The following DNAJC13 variants were observed in gnomAD, a reference collection of about 807,000 sequenced individuals.
DNAJC13 encodes dnaJ homolog subfamily C member 13.
Under a neutral mutation model 290.5 loss-of-function variants are expected in DNAJC13, and 75 were observed. That is an observed-to-expected ratio of 0.26 (90% CI 0.21 to 0.31). The LOEUF is 0.31. Among genes scored for constraint, DNAJC13 ranks in the 10% least tolerant of loss-of-function variants. The pLI is 1.00. For missense variants in DNAJC13, 2,260 were observed against 2,674.5 expected (o/e 0.85, Z 3.42); for synonymous variants, 862 against 892.0 (o/e 0.97, Z 0.60).
intron 20 of DNAJC13, among the ~76,000 whole-genome samples, chr3:132,470,620 A>C (rs1228638132): frequency 5.0e-5 from 5 of 99,942 alleles, no homozygotes; most frequent in African/African-American, 8.5e-5. Flanking sequence ...GGGGGGGCTG[A>C]CCCCCCCACC....
At chr3:132,502,508 AC>A (rs1189916788) in intron 40 of DNAJC13, 40 bp downstream of exon 40, 2 of 1,530,406 alleles carry the variant, frequency 1.3e-6, no homozygotes, top group South Asian at 2.6e-5. Flanking sequence ...TTGAACCCAA[AC>A]CTTAGGTTGG....
intron 55 of DNAJC13, among the ~76,000 whole-genome samples, chr3:132,534,972 G>A (rs112515514): frequency 0.017 from 2,626 of 152,302 alleles, 23 homozygotes; most frequent in South Asian, 0.05. Context: ...GTGTTGTGTT[G>A]AATTGGAATT....
rs759818648 is a variant in DNAJC13, at chr3:132,528,214, A to G, written c.6407A>G (p.Tyr2136Cys). The G allele has an allele frequency of 6.2e-7, 1 of 1,614,064 alleles. No homozygotes were observed. Among genetic ancestry groups the G allele is most frequent in the South Asian group, 1.1e-5 (1 of 91,078 alleles). The part of the protein sequence containing the change: ...AQALKADLVP[Y>C]LLKLLEGIGL... ...GCCCTGAAAGCAGATTTGGTTCCATACCTCTTAAAATTACTCGAAGGCATT... is the reference window on the plus strand; with the variant it reads ...GCCCTGAAAGCAGATTTGGTTCCATGCCTCTTAAAATTACTCGAAGGCATT... Residue 2136 changes from tyrosine (Y) to cysteine (C), a missense_variant, in exon 54 of 56, where the codon TAC becomes TGC. By Grantham distance (194) the Tyr-to-Cys change is radical. Transcript: ENST00000260818.
chr3:132,517,239 AG>A (rs1935947022), intron 48 of DNAJC13, among the ~76,000 whole-genome samples: 1 of 152,204 alleles, frequency 6.6e-6, no homozygotes, highest in Non-Finnish European at 1.5e-5. Context: ...GAATTCATAT[AG>A]GGGCATGAGT....
chr3:132,475,602 CT>C (rs1934446001), intron 22 of DNAJC13, among the ~76,000 whole-genome samples: 1 of 152,148 alleles, frequency 6.6e-6, no homozygotes, highest in Admixed American at 6.5e-5. Context: ...ACAATTTAAA[CT>C]ATTATAGCTT....
At position 132,503,272 on chromosome 3, in the gene DNAJC13, A is replaced by C. The variant is rs1437045487; in HGVS notation, c.4775A>C (p.Tyr1592Ser). ...CATGCTCTGAGTCGCCTTGGAGGGTATTTGGCTGAAGAACAAGCAACTCCA... is the reference window on the plus strand; with the variant it reads ...CATGCTCTGAGTCGCCTTGGAGGGTCTTTGGCTGAAGAACAAGCAACTCCA... ...SVHALSRLGG[Y>S]LAEEQATPEN... Residue 1592 changes from tyrosine (Y) to serine (S), a missense_variant, in exon 41 of 56, where the codon TAT becomes TCT. This residue lies in a region of DNAJC13 where 1,494 missense variants were observed against 1,693.7 expected (regional missense o/e 0.88). Coordinates refer to ENST00000260818, the MANE Select transcript of DNAJC13 (RefSeq NM_015268.4). The C allele has an allele frequency of 1.2e-6, 2 of 1,614,082 alleles. No homozygotes were observed. The highest frequency in any genetic ancestry group is 1.7e-6 in the Non-Finnish European group (2 of 1,179,976).
chr3:132,524,239 G>A (rs1201107375), intron 51 of DNAJC13, among the ~76,000 whole-genome samples: 2 of 152,232 alleles, frequency 1.3e-5, no homozygotes, highest in Non-Finnish European at 1.5e-5. Flanking sequence ...GCCAAATACC[G>A]TGATAGTATA....
chr3:132,523,266 C>A, intron 50 of DNAJC13, 67 bp downstream of exon 50: 1 of 1,535,208 alleles, frequency 6.5e-7, no homozygotes, highest in Non-Finnish European at 9.0e-7. Flanking sequence ...TCTACTGAGT[C>A]AGTTTAATGC....
At position 132,505,370 on chromosome 3, in the gene DNAJC13, A is replaced by T; in HGVS notation, c.4953A>T (p.Glu1651Asp). The change falls in exon 42 of 56, where the codon GAA (glutamate) becomes GAT (aspartate). Residue 1651 changes from glutamate (E) to aspartate (D), a missense_variant. Coordinates refer to ENST00000260818, the MANE Select transcript of DNAJC13 (RefSeq NM_015268.4). Reference sequence around the variant, plus strand: ...TATGGAACAATTCTACAAGAGCAGAATTACTTGAATTTCTTGAATCCCAAC... The same window carrying T: ...TATGGAACAATTCTACAAGAGCAGATTTACTTGAATTTCTTGAATCCCAAC... ...YLIWNNSTRA[E>D]LLEFLESQQE... 1 of 1,610,872 alleles carries T rather than the reference A, an allele frequency of 6.2e-7. No homozygotes were observed. Among genetic ancestry groups the T allele is most frequent in the East Asian group, 2.2e-5 (1 of 44,706 alleles).
chr3:132,508,441 A>G (rs1000044824), intron 43 of DNAJC13, among the ~76,000 whole-genome samples: 1 of 152,214 alleles, frequency 6.6e-6, no homozygotes, highest in African/African-American at 2.4e-5. Context: ...AAAGCTTCGA[A>G]GGACAAGTTG....
At chr3:132,531,988 G>C (rs1463714068) in intron 55 of DNAJC13, among the ~76,000 whole-genome samples, 1 of 152,100 alleles carries the variant, frequency 6.6e-6, no homozygotes, top group Non-Finnish European at 1.5e-5. Flanking sequence ...CATAATTTTA[G>C]AATAGTCATT....
chr3:132,475,660 A>G (rs1392914717), intron 22 of DNAJC13, among the ~76,000 whole-genome samples: 1 of 152,178 alleles, frequency 6.6e-6, no homozygotes, highest in East Asian at 1.9e-4. Context: ...TCTTTAACCC[A>G]GTTGCATTTC....
At position 132,453,234 on chromosome 3, in the gene DNAJC13, G is replaced by A; in HGVS notation, c.538-64G>A. On this transcript the variant is annotated intron_variant, in intron 6 of 55. Transcript: ENST00000260818. ...TACTTTAATACCTTTCCTATGAGTTGATTAGCTACAGACACATTTCAGTTG... is the reference window on the plus strand; with the variant it reads ...TACTTTAATACCTTTCCTATGAGTTAATTAGCTACAGACACATTTCAGTTG... 3.4e-6 allele frequency: 5 copies of A among 1,467,306 alleles called. No homozygotes were observed. In the South Asian group the frequency reaches 6.1e-5, roughly 18 times the overall value. The allele number at this position is 1,467,306 out of a possible 1,614,324, so 90.9% of individuals were successfully genotyped here.
chr3:132,533,257 C>T (rs1345561946), intron 55 of DNAJC13, among the ~76,000 whole-genome samples: 2 of 151,660 alleles, frequency 1.3e-5, no homozygotes, highest in Non-Finnish European at 2.9e-5. Context: ...GTCTCAAACT[C>T]CTGACTTCAG....
chr3:132,466,403 G>T lies in DNAJC13; in HGVS notation c.2064+9G>T, dbSNP rs757573946. The T allele has an allele frequency of 6.3e-6, 10 of 1,581,162 alleles. No homozygotes were observed. The East Asian group carries it at 1.8e-4, about 28-fold the overall frequency. On this transcript the variant is annotated intron_variant, in intron 19 of 55. Transcript: ENST00000260818. ...ATGTGAAAATAGCAATGGTAAATAT[G>T]ACTGTCCCAAGTGTGCCTTTTTTAG...
At position 132,523,142 on chromosome 3, in the gene DNAJC13, C is replaced by G. The variant is rs1328959716; in HGVS notation, c.5844-15C>G. 13 of 1,613,634 alleles carry G rather than the reference C, an allele frequency of 8.1e-6. No individual in the cohort carries two copies. The highest frequency in any genetic ancestry group is 1.1e-5 in the Non-Finnish European group (13 of 1,179,798). ...TGTGACTGAAGTTTGGTATCCATCC[C>G]TTTTTTTCCCCAAGGCACTTTAAAA... On this transcript the variant is annotated splice_polypyrimidine_tract_variant and intron_variant, in intron 49 of 55. Coordinates refer to ENST00000260818, the MANE Select transcript of DNAJC13 (RefSeq NM_015268.4).
chr3:132,480,538 CAT>C (rs1310618651), intron 26 of DNAJC13, 68 bp downstream of exon 26: 1 of 1,176,182 alleles, frequency 8.5e-7, no homozygotes, highest in African/African-American at 1.5e-5. Context: ...GCAAAAGAAT[CAT>C]AGAAATCTGA....
intron 2 of DNAJC13, among the ~76,000 whole-genome samples, chr3:132,445,912 GGAAAT>G (rs1933231028): frequency 6.6e-6 from 1 of 152,026 alleles, no homozygotes; most frequent in Non-Finnish European, 1.5e-5. Context: ...TTACTTGAAA[GGAAAT>G]GAAGTGAGAA....
At chr3:132,501,968 C>T (rs1392916375) in intron 39 of DNAJC13, among the ~76,000 whole-genome samples, 2 of 152,088 alleles carry the variant, frequency 1.3e-5, no homozygotes, top group African/African-American at 2.4e-5. Context: ...AGATCACTAG[C>T]GTGTAAGTTG....
Sources: allele counts gnomAD v4.1 joint callset (sites outside exome capture counted in the v4.1 genomes callset), GRCh38; gene constraint gnomAD v4.1.1; regional missense constraint gnomAD v4.1.1; transcripts MANE v1.5; gene names NCBI Gene and HGNC (gene_info 2026-07-23, HGNC 2026-07-21).